The following PDE10A variants were observed in gnomAD, a reference collection of about 807,000 sequenced individuals.
PDE10A encodes the protein cAMP and cAMP-inhibited cGMP 3',5'-cyclic phosphodiesterase 10A.
PDE10A carries 39 observed loss-of-function variants against 97.7 expected under a neutral mutation model. The observed-to-expected ratio is 0.40, with a 90% CI of 0.31 to 0.52. PDE10A has a LOEUF of 0.52. Among genes scored for constraint, PDE10A ranks in the 20% least tolerant of loss-of-function variants. PDE10A has a pLI of 0.56. For missense variants in PDE10A, 731 were observed against 1,047.8 expected (o/e 0.70, Z 4.17); for synonymous variants, 371 against 376.8 (o/e 0.98, Z 0.18).
intron 5 of PDE10A, among the ~76,000 whole-genome samples, chr6:165,436,438 C>A (rs1790021645): frequency 6.6e-6 from 1 of 152,070 alleles, no homozygotes; most frequent in Admixed American, 6.5e-5. Flanking sequence ...GACTAATAAA[C>A]CCCATAAACT....
intron 3 of PDE10A, among the ~76,000 whole-genome samples, chr6:165,475,543 A>T (rs221721): frequency 0.48 from 72,450 of 152,002 alleles, 18,383 homozygotes; most frequent in Non-Finnish European, 0.56. Context: ...ACATTCACTA[A>T]GAACTTAATG....
At chr6:165,522,891 G>A (rs1000454224) in intron 2 of PDE10A, among the ~76,000 whole-genome samples, 1 of 151,944 alleles carries the variant, frequency 6.6e-6, no homozygotes, top group Non-Finnish European at 1.5e-5. Flanking sequence ...ATCTACCAAA[G>A]GCTCCTAGAA....
intron 2 of PDE10A, among the ~76,000 whole-genome samples, chr6:165,531,688 A>G (rs1031540676): frequency 6.6e-6 from 1 of 152,194 alleles, no homozygotes; most frequent in African/African-American, 2.4e-5. Context: ...CCACAATCAC[A>G]TATTTTATTA....
intron 1 of PDE10A, among the ~76,000 whole-genome samples, chr6:165,556,081 T>C (rs1784237826): frequency 6.6e-6 from 1 of 152,242 alleles, no homozygotes; most frequent in African/African-American, 2.4e-5. Flanking sequence ...ATGTAGAAAC[T>C]ATAAGTGTTA....
At chr6:165,726,972 C>T (rs548797866) in intron 1 of PDE10A, among the ~76,000 whole-genome samples, 2 of 152,340 alleles carry the variant, frequency 1.3e-5, no homozygotes, top group East Asian at 1.9e-4. Context: ...CCGAGCCAGG[C>T]CACCACAGAA....
chr6:165,409,654 G>A (rs1270597556), intron 13 of PDE10A: 1 of 154,342 alleles, frequency 6.5e-6, no homozygotes, highest in African/African-American at 2.4e-5. Context: ...ATGGGAGAAA[G>A]AAAAGGTAAC....
At chr6:165,873,609 TA>T (rs1317786891) in intron 1 of PDE10A, among the ~76,000 whole-genome samples, 4 of 152,194 alleles carry the variant, frequency 2.6e-5, no homozygotes, top group Non-Finnish European at 5.9e-5. Context: ...TTTCTTAACT[TA>T]AAAAAACTTA....
chr6:165,617,414 G>A (rs968537626), intron 1 of PDE10A, among the ~76,000 whole-genome samples: 2 of 152,126 alleles, frequency 1.3e-5, no homozygotes, highest in Admixed American at 6.6e-5. Flanking sequence ...GCGGGATCTC[G>A]GCTCAAGGCA....
At chr6:165,712,797 G>T (rs754241904) in intron 1 of PDE10A, among the ~76,000 whole-genome samples, 3 of 151,782 alleles carry the variant, frequency 2.0e-5, no homozygotes, top group Non-Finnish European at 4.4e-5. Flanking sequence ...CCGCCACCAC[G>T]CCCGGCTTAT....
chr6:165,508,915 T>A (rs1167143159), intron 2 of PDE10A, among the ~76,000 whole-genome samples: 1 of 152,014 alleles, frequency 6.6e-6, no homozygotes, highest in Non-Finnish European at 1.5e-5. Flanking sequence ...AAGTTCCTCA[T>A]AACCATTTAA....
intron 1 of PDE10A, among the ~76,000 whole-genome samples, chr6:165,722,457 T>C (rs537565174): frequency 6.6e-6 from 1 of 152,228 alleles, no homozygotes; most frequent in Non-Finnish European, 1.5e-5. Context: ...ACAAATCCTG[T>C]GTATGCTATG....
At chr6:165,684,362 C>T (rs1392864150) in intron 1 of PDE10A, among the ~76,000 whole-genome samples, 1 of 152,212 alleles carries the variant, frequency 6.6e-6, no homozygotes, top group Non-Finnish European at 1.5e-5. Flanking sequence ...ACCATTCCAG[C>T]CATGCACCTG....
rs112511694 is a variant in PDE10A, at chr6:165,713,454, C to CAA, written c.-614-169888_-614-169887dup. ...TGGGGCTTAGCATTGTCCGTTTTCA[C>CAA]AAGTGTGTCGGGAAGCTTGCTTGCA... is the stretch of plus-strand genomic sequence containing the variant. On this transcript the variant is annotated intron_variant, in intron 1 of 19. Transcript: ENST00000366882. 6.6e-3 allele frequency among the ~76,000 whole-genome samples: 999 copies of CAA among 152,312 alleles called. 9 individuals are homozygous for CAA. The highest frequency in any genetic ancestry group is 0.022 in the African/African-American group (934 of 41,570).
intron 1 of PDE10A, among the ~76,000 whole-genome samples, chr6:165,860,175 C>T (rs1317732147): frequency 6.6e-6 from 1 of 152,072 alleles, no homozygotes. Flanking sequence ...AAAACGTGGC[C>T]GGGCGCAGTG....
chr6:165,899,373 C>T (rs1414977903), intron 1 of PDE10A, among the ~76,000 whole-genome samples: 1 of 152,152 alleles, frequency 6.6e-6, no homozygotes, highest in Non-Finnish European at 1.5e-5. Flanking sequence ...ATGATCAGAG[C>T]CATCACACTA....
intron 1 of PDE10A, among the ~76,000 whole-genome samples, chr6:165,789,182 G>A (rs776582791): frequency 7.2e-5 from 11 of 152,142 alleles, no homozygotes; most frequent in Non-Finnish European, 1.2e-4. Flanking sequence ...AAATGCTGGT[G>A]GACCACTACA....
At chr6:165,758,147 A>C (rs1327121922) in intron 1 of PDE10A, among the ~76,000 whole-genome samples, 1 of 152,220 alleles carries the variant, frequency 6.6e-6, no homozygotes, top group Non-Finnish European at 1.5e-5. Context: ...ATTAGGCTTT[A>C]GGTTTTCCTG....
chr6:165,336,046 AGTG>A lies in PDE10A; in HGVS notation c.3065+74_3065+76del. ...ACAAACACACAGACCACAACACACT[AGTG>A]GGGTACAAAAATCCTATACAGATCT... On this transcript the variant is annotated intron_variant, in intron 21 of 21. Coordinates refer to ENST00000539869, the MANE Select transcript of PDE10A (RefSeq NM_001385079.1). 6 of 1,065,284 alleles carry A rather than the reference AGTG, an allele frequency of 5.6e-6. No individual in the cohort carries two copies. In the South Asian group the frequency reaches 7.8e-5, roughly 14 times the overall value. The allele number at this position is 1,065,284 out of a possible 1,614,324, so 66.0% of individuals were successfully genotyped here.
intron 2 of PDE10A, among the ~76,000 whole-genome samples, chr6:165,533,145 C>T (rs969350858): frequency 6.6e-6 from 1 of 152,166 alleles, no homozygotes; most frequent in Admixed American, 6.5e-5. Flanking sequence ...TATATAGTCA[C>T]AAAATATATT....
Sources: gnomAD v4.1 joint callset for allele counts (sites outside exome capture counted in the v4.1 genomes callset) on GRCh38, gnomAD v4.1.1 for gene constraint, MANE v1.5 for transcripts, NCBI Gene and HGNC (gene_info 2026-07-23, HGNC 2026-07-21) for gene names.